TMOD1: variants seen among roughly 807,000 people sequenced by gnomAD.
TMOD1 encodes the protein tropomodulin 1.
TMOD1 carries 17 observed loss-of-function variants against 40.6 expected under a neutral mutation model. That is an observed-to-expected ratio of 0.42 (90% CI 0.29 to 0.63). The LOEUF is 0.63. Ranked by LOEUF, TMOD1 falls within the 20% of genes least tolerant of loss-of-function variation. The pLI is 0.22. For synonymous variants in TMOD1, 181 were observed against 175.0 expected (o/e 1.03, Z -0.27); for missense variants, 391 against 447.6 (o/e 0.87, Z 1.14).
chr9:97,533,907 T>C (rs926986748), intron 2 of TMOD1, among the ~76,000 whole-genome samples: 1 of 152,234 alleles, frequency 6.6e-6, no homozygotes. Flanking sequence ...GGGATGGAGC[T>C]CAGCTCCCCA....
chr9:97,539,987 A>AG (rs1441905672), intron 2 of TMOD1, among the ~76,000 whole-genome samples: 9 of 151,262 alleles, frequency 5.9e-5, no homozygotes, highest in Non-Finnish European at 1.0e-4. Context: ...AAAAAAAAAA[A>AG]AAAGAAAAGA....
intron 1 of TMOD1, among the ~76,000 whole-genome samples, chr9:97,519,688 G>A (rs1329264060): frequency 6.6e-6 from 1 of 152,160 alleles, no homozygotes; most frequent in Non-Finnish European, 1.5e-5. Flanking sequence ...GGACCCAGAG[G>A]TGCTCATTCC....
chr9:97,551,180 C>T (rs781715928), intron 3 of TMOD1, among the ~76,000 whole-genome samples: 8 of 151,676 alleles, frequency 5.3e-5, no homozygotes, highest in Non-Finnish European at 1.0e-4. Flanking sequence ...CGCACCATCA[C>T]GCCCGGCTAA....
chr9:97,556,128 A>C (rs1830532994), intron 4 of TMOD1, among the ~76,000 whole-genome samples: 17 of 145,848 alleles, frequency 1.2e-4, no homozygotes, highest in Admixed American at 2.7e-4. Context: ...GGATGGGGGA[A>C]TGGAGGAGGC....
intron 8 of TMOD1, among the ~76,000 whole-genome samples, chr9:97,584,398 G>C (rs1479096587): frequency 3.3e-5 from 5 of 150,932 alleles, no homozygotes; most frequent in Non-Finnish European, 4.5e-5. Flanking sequence ...TTTTACATTT[G>C]CTGAGGAGAG....
At chr9:97,541,524 A>T (rs1394121470) in intron 2 of TMOD1, among the ~76,000 whole-genome samples, 36 of 138,804 alleles carry the variant, frequency 2.6e-4, no homozygotes, top group East Asian at 6.3e-4. Context: ...TTTATTTTTT[A>T]TTTTTTTTTT....
At chr9:97,570,912 A>G (rs1025295662) in intron 8 of TMOD1, among the ~76,000 whole-genome samples, 4 of 152,270 alleles carry the variant, frequency 2.6e-5, no homozygotes. Flanking sequence ...ATGAGCTGGC[A>G]GCAGCCGTGT....
At chr9:97,503,223 C>A (rs1478588237) in intron 1 of TMOD1, among the ~76,000 whole-genome samples, 1 of 152,182 alleles carries the variant, frequency 6.6e-6, no homozygotes, top group Non-Finnish European at 1.5e-5. Context: ...AGTCTCCCAG[C>A]CTTTCCCATC....
rs1363440026 is a variant in TMOD1 at position 97,513,460 on chromosome 9, CCCAAGATGGGG to C, written c.-48-10678_-48-10668del. On this transcript the variant is annotated intron_variant, in intron 1 of 9. Transcript: ENST00000259365. The surrounding 1 kb of genome is among the most constrained non-coding windows in gnomAD (Gnocchi z 4.1). Reference sequence around the variant, plus strand: ...AAGCTCTCATCTTTAACCAGGCTGACCCAAGATGGGGCCTCACCTGTAAAGGAAACTAAGGG... The same window carrying C: ...AAGCTCTCATCTTTAACCAGGCTGACCCTCACCTGTAAAGGAAACTAAGGG... Among the ~76,000 whole-genome samples, 1 of 152,142 alleles carries C rather than the reference CCCAAGATGGGG, an allele frequency of 6.6e-6. No homozygotes were observed. Among genetic ancestry groups the C allele is most frequent in the Non-Finnish European group, 1.5e-5 (1 of 68,018 alleles).
intron 1 of TMOD1, among the ~76,000 whole-genome samples, chr9:97,520,201 A>G (rs60328682): frequency 0.01 from 1,540 of 152,062 alleles, 25 homozygotes; most frequent in African/African-American, 0.035. Flanking sequence ...AGGTCAGTCA[A>G]TGCTTTCATT....
chr9:97,515,950 G>A (rs2131214216), intron 1 of TMOD1, among the ~76,000 whole-genome samples: 1 of 152,284 alleles, frequency 6.6e-6, no homozygotes, highest in South Asian at 2.1e-4. Context: ...CACATCGGAG[G>A]AGTGGTTATT....
intron 1 of TMOD1, among the ~76,000 whole-genome samples, chr9:97,505,394 G>A (rs192783381): frequency 6.6e-6 from 1 of 152,292 alleles, no homozygotes; most frequent in Admixed American, 6.5e-5. Context: ...TCACTCTGGG[G>A]CTTCAAGGGT....
intron 8 of TMOD1, among the ~76,000 whole-genome samples, chr9:97,576,720 G>A (rs1316810447): frequency 6.6e-6 from 1 of 151,142 alleles, no homozygotes; most frequent in African/African-American, 2.4e-5. Context: ...TGCAAGCTCC[G>A]CCTCCCAGGT....
At chr9:97,524,440 A>G (rs1276163036) in intron 2 of TMOD1, 132 bp downstream of exon 2, 2 of 1,132,462 alleles carry the variant, frequency 1.8e-6, no homozygotes, top group East Asian at 5.3e-5. Context: ...TTGCCTTTGC[A>G]GATTTTTCTT....
intron 4 of TMOD1, chr9:97,555,703 A>G (rs1305539637): frequency 2.6e-6 from 4 of 1,548,394 alleles, no homozygotes; most frequent in South Asian, 1.2e-5. Flanking sequence ...ACCATGTCCC[A>G]GGTTCTATGT....
intron 1 of TMOD1, among the ~76,000 whole-genome samples, chr9:97,507,892 A>G (rs1012091046): frequency 5.3e-5 from 8 of 152,200 alleles, no homozygotes; most frequent in Non-Finnish European, 1.2e-4. Context: ...TTGTCAAGAC[A>G]GGCCACTAGA....
At chr9:97,564,897 C>G (rs1462199526) in intron 6 of TMOD1, among the ~76,000 whole-genome samples, 2 of 152,158 alleles carry the variant, frequency 1.3e-5, no homozygotes, top group Non-Finnish European at 2.9e-5. Flanking sequence ...CCCCCATGCC[C>G]CTGCTCCACT....
At chr9:97,573,900 C>T (rs998945826) in intron 8 of TMOD1, among the ~76,000 whole-genome samples, 1 of 152,246 alleles carries the variant, frequency 6.6e-6, no homozygotes, top group Non-Finnish European at 1.5e-5. Context: ...GCACAACCCA[C>T]ACTCAAGGGG....
intron 6 of TMOD1, 72 bp from the exon 7 acceptor site, chr9:97,565,776 G>A: frequency 8.0e-7 from 1 of 1,247,030 alleles, no homozygotes; most frequent in Non-Finnish European, 1.2e-6. Context: ...GAGTAGCCAG[G>A]CTAATCCACC....
Sources: allele counts gnomAD v4.1 joint callset (sites outside exome capture counted in the v4.1 genomes callset), GRCh38; gene constraint gnomAD v4.1.1; non-coding constraint Gnocchi (gnomAD v3.1); transcripts MANE v1.5; gene names NCBI Gene and HGNC (gene_info 2026-07-23, HGNC 2026-07-21).